ACSBG2: variants seen among roughly 807,000 people sequenced by gnomAD.
ACSBG2 encodes acyl-CoA synthetase bubblegum family member 2, also known as long-chain-fatty-acid--CoA ligase ACSBG2.
Under a neutral mutation model 74.7 loss-of-function variants are expected in ACSBG2, and 62 were observed. The observed-to-expected ratio is 0.83, with a 90% confidence interval of 0.68 to 1.03. The LOEUF is 1.03. Among genes scored for constraint, ACSBG2 ranks in the 50% least tolerant of loss-of-function variants. ACSBG2 has a pLI of 0.00. For missense variants in ACSBG2, 730 were observed against 817.6 expected (o/e 0.89, Z 1.31); for synonymous variants, 309 against 294.1 (o/e 1.05, Z -0.52).
chr19:6,165,806 G>A (rs568702870), intron 6 of ACSBG2, 60 bp from the exon 7 acceptor site: 2 of 1,597,830 alleles, frequency 1.3e-6, no homozygotes, highest in South Asian at 2.2e-5. Context: ...GACGAGGTCT[G>A]GCTGGGTGAG....
Position 6,167,693 on chromosome 19 carries a change from G to T in ACSBG2, c.738+1678G>T, listed in dbSNP as rs151285809. On this transcript the variant is annotated intron_variant, in intron 7 of 14. Coordinates refer to ENST00000588485, the MANE Select transcript of ACSBG2 (RefSeq NM_030924.5). ...ACTGTCTGTCTGAGCAATATCACGG[G>T]CCCAGGACTAAGGTCTATATGTAAA... Among the ~76,000 whole-genome samples the T allele has an allele frequency of 1.6e-4, 25 of 152,224 alleles. 1 individual carries two copies. The East Asian group carries it at 4.8e-3, about 29-fold the overall frequency.
intron 5 of ACSBG2, 49 bp downstream of exon 5, chr19:6,156,600 AG>A: frequency 6.7e-7 from 1 of 1,482,722 alleles, no homozygotes; most frequent in Non-Finnish European, 9.0e-7. Flanking sequence ...GGGGTACCTC[AG>A]GGCTCTGGGC....
In ACSBG2 at chr19:6,145,649, A is replaced by G. The variant is rs1402368031; in HGVS notation, c.68-1797A>G. On this transcript the variant is annotated intron_variant, in intron 2 of 14. Transcript: ENST00000588485. ...GTGAGAAACACACAACAAACCAACA[A>G]CTGTCTCCAGAGGAAACCCTGTTCT... is the stretch of plus-strand genomic sequence containing the variant. 2.6e-5 allele frequency among the ~76,000 whole-genome samples: 4 copies of G among 151,934 alleles called. No homozygotes were observed. In the East Asian group the frequency reaches 5.8e-4, roughly 22 times the overall value.
intron 7 of ACSBG2, among the ~76,000 whole-genome samples, chr19:6,172,937 C>T (rs1760729308): frequency 6.6e-6 from 1 of 152,174 alleles, no homozygotes; most frequent in South Asian, 2.1e-4. Context: ...GCTTCTCTAT[C>T]ACACCCCTGT....
chr19:6,170,845 A>G (rs897885815), intron 7 of ACSBG2, among the ~76,000 whole-genome samples: 5 of 152,124 alleles, frequency 3.3e-5, no homozygotes, highest in Non-Finnish European at 5.9e-5. Flanking sequence ...AGTCCCTCAC[A>G]ATTATTGTAT....
intron 4 of ACSBG2, among the ~76,000 whole-genome samples, chr19:6,153,654 C>T (rs995945497): frequency 6.6e-5 from 10 of 151,902 alleles, no homozygotes; most frequent in African/African-American, 2.4e-4. Flanking sequence ...TGGACAACAT[C>T]GCAAGATTCT....
intron 7 of ACSBG2, among the ~76,000 whole-genome samples, chr19:6,170,041 C>T (rs1402029165): frequency 6.6e-6 from 1 of 152,112 alleles, no homozygotes. Context: ...TTGACTTCCT[C>T]TGTTCCTATT....
intron 10 of ACSBG2, among the ~76,000 whole-genome samples, chr19:6,184,005 G>A (rs1457930736): frequency 6.6e-6 from 1 of 152,084 alleles, no homozygotes; most frequent in African/African-American, 2.4e-5. Flanking sequence ...GTCTTGCCAT[G>A]TTGCCTAGGC....
intron 3 of ACSBG2, chr19:6,148,263 C>T (rs2089115259): frequency 6.4e-6 from 1 of 156,750 alleles, no homozygotes; most frequent in Non-Finnish European, 1.4e-5. Flanking sequence ...GAAGTCTCAG[C>T]TCCTCATTCC....
At chr19:6,156,857 C>A (rs147828918) in intron 5 of ACSBG2, among the ~76,000 whole-genome samples, 400 of 151,168 alleles carry the variant, frequency 2.6e-3, no homozygotes, top group Non-Finnish European at 4.3e-3. Flanking sequence ...GATTGTAGCT[C>A]ACTGTAGCCT....
In ACSBG2 at chr19:6,177,275, A is replaced by G. The variant is rs1446996034; in HGVS notation, c.785A>G (p.Asp262Gly). 1 of 1,614,018 alleles carries G rather than the reference A, an allele frequency of 6.2e-7. No individual in the cohort carries two copies. The highest frequency in any genetic ancestry group is 8.5e-7 in the Non-Finnish European group (1 of 1,180,026). The change falls in exon 8 of 15, where the codon GAC becomes GGC. Residue 262 changes from aspartate (D) to glycine (G), a missense_variant. Transcript: ENST00000588485. The part of the protein sequence containing the change: ...GAVTKDFKLT[D>G]KHETVVSYLP... The stretch of plus-strand genomic sequence containing the variant: ...GTGACAAAGGACTTTAAACTGACAG[A>G]CAAGCATGAGACGGTGGTTAGCTAC...
rs1400441871 is a variant in ACSBG2 at position 6,152,436 on chromosome 19, G to A, written c.386+641G>A. ...CTCCCGAGTAGCTGGGACTACAGGC[G>A]CCCGCCACCGCGCCCGGCTAATTTT... On this transcript the variant is annotated intron_variant, in intron 4 of 14. Coordinates refer to ENST00000588485, the MANE Select transcript of ACSBG2 (RefSeq NM_030924.5). Among the ~76,000 whole-genome samples, 8 of 75,624 alleles carry A rather than the reference G, an allele frequency of 1.1e-4. 4 individuals are homozygous for A. Among genetic ancestry groups the A allele is most frequent in the African/African-American group, 2.3e-4 (6 of 25,764 alleles). 49.6% of individuals were successfully genotyped at this position (75,624 alleles called of 152,430 possible). A position where few individuals can be genotyped will look rare whatever the true frequency, so the allele number is the denominator to read the frequency against.
chr19:6,185,292 A>G, intron 10 of ACSBG2, 144 bp from the exon 11 acceptor site: 1 of 786,046 alleles, frequency 1.3e-6, no homozygotes, highest in South Asian at 1.6e-5. Context: ...CACTGCAGCA[A>G]ACACCTCCTT....
chr19:6,155,174 A>G (rs1223483041), intron 4 of ACSBG2, among the ~76,000 whole-genome samples: 1 of 152,204 alleles, frequency 6.6e-6, no homozygotes, highest in Non-Finnish European at 1.5e-5. Flanking sequence ...AGCTCCATGC[A>G]TACATGGTCA....
chr19:6,172,197 A>G (rs1016448651), intron 7 of ACSBG2, among the ~76,000 whole-genome samples: 1 of 152,140 alleles, frequency 6.6e-6, no homozygotes, highest in African/African-American at 2.4e-5. Flanking sequence ...CAAACATTTC[A>G]GTCTGATGAG....
rs532005929 is a variant in ACSBG2 at position 6,185,657 on chromosome 19, C to T, written c.1540+4C>T. ...TATGTCACCGGCCACATCAAAGGTA[C>T]CAGGGGCTGAGCTCTTTGGGAATCT... On this transcript the variant is annotated splice_donor_region_variant and intron_variant, in intron 11 of 14. Coordinates refer to ENST00000588485, the MANE Select transcript of ACSBG2 (RefSeq NM_030924.5). 11 of 1,613,952 alleles carry T rather than the reference C, an allele frequency of 6.8e-6. No individual in the cohort carries two copies. Among genetic ancestry groups the T allele is most frequent in the African/African-American group, 1.3e-5 (1 of 75,038 alleles).
intron 8 of ACSBG2, among the ~76,000 whole-genome samples, chr19:6,181,822 C>CT: frequency 7.9e-6 from 1 of 125,788 alleles, no homozygotes; most frequent in Admixed American, 8.1e-5. Flanking sequence ...CGCCCCCCCC[C>CT]CCAACGAAAT....
chr19:6,154,021 G>A (rs989365772), intron 4 of ACSBG2, among the ~76,000 whole-genome samples: 9 of 152,026 alleles, frequency 5.9e-5, no homozygotes. Context: ...TCTCATCATC[G>A]AGACTAACAC....
At chr19:6,136,965 C>T (rs2088595085) in intron 1 of ACSBG2, among the ~76,000 whole-genome samples, 1 of 152,164 alleles carries the variant, frequency 6.6e-6, no homozygotes, top group Non-Finnish European at 1.5e-5. Context: ...GGATTTGTAG[C>T]CCTTTCCAGG....
Sources: gnomAD v4.1 joint callset for allele counts (sites outside exome capture counted in the v4.1 genomes callset) on GRCh38, gnomAD v4.1.1 for gene constraint, MANE v1.5 for transcripts, NCBI Gene and HGNC (gene_info 2026-07-23, HGNC 2026-07-21) for gene names.